Variants in GATA4 observed in about 807,000 individuals in gnomAD.
GATA4 encodes the protein GATA binding protein 4.
In GATA4, 7 loss-of-function variants were observed where a neutral mutation model predicts 37.9. The observed-to-expected ratio is 0.18, with a 90% CI of 0.11 to 0.35. The LOEUF (loss-of-function observed/expected upper bound fraction) is 0.35. Among genes scored for constraint, GATA4 ranks in the 10% least tolerant of loss-of-function variants. GATA4 has a pLI of 1.00. For missense variants in GATA4, 647 were observed against 653.0 expected (o/e 0.99, Z 0.10); for synonymous variants, 372 against 292.6 (o/e 1.27, Z -2.77).
intron 2 of GATA4, among the ~76,000 whole-genome samples, chr8:11,712,914 G>C (rs926029993): frequency 1.3e-5 from 2 of 152,094 alleles, no homozygotes; most frequent in African/African-American, 4.8e-5. Flanking sequence ...AATATGTTGT[G>C]TAGTACCATG....
At chr8:11,677,869 G>T (rs887344323) in intron 1 of GATA4, among the ~76,000 whole-genome samples, 5 of 152,072 alleles carry the variant, frequency 3.3e-5, no homozygotes, top group African/African-American at 1.2e-4. Context: ...GGCCCACTGC[G>T]TGCGTTGCAG....
chr8:11,758,966 C>G lies in GATA4; in HGVS notation c.*491C>G, dbSNP rs1396857515. On this transcript the variant is annotated 3_prime_UTR_variant, in exon 7 of 7. Transcript: ENST00000532059. The stretch of plus-strand genomic sequence containing the variant: ...CTTGAGGCATGGCACCGCCCTGCAT[C>G]CCTAATACCAAATCTGACTCCAAAA... 8.6e-6 allele frequency: 2 copies of G among 231,496 alleles called. No individual in the cohort carries two copies. Among genetic ancestry groups the G allele is most frequent in the African/African-American group, 4.5e-5 (2 of 44,394 alleles). The allele number at this position is 231,496 out of a possible 1,614,324, so 14.3% of individuals were successfully genotyped here. A position where few individuals can be genotyped will look rare whatever the true frequency, so the allele number is the denominator to read the frequency against.
In GATA4 at chr8:11,711,014, G is replaced by A. The variant is rs560034318; in HGVS notation, c.616+2086G>A. Among the ~76,000 whole-genome samples the A allele has an allele frequency of 2.6e-5, 4 of 152,332 alleles. No individual in the cohort carries two copies. The South Asian group carries it at 8.3e-4, about 32-fold the overall frequency. ...TAGTCCCAGTTACTTGGGAGGCTGA[G>A]GCAGGAGAATCGGTTGAACCCGGGA... On this transcript the variant is annotated intron_variant, in intron 2 of 6. Transcript: ENST00000532059.
At chr8:11,752,712 C>G (rs577060482) in intron 4 of GATA4, among the ~76,000 whole-genome samples, 12 of 152,268 alleles carry the variant, frequency 7.9e-5, no homozygotes, top group African/African-American at 2.9e-4. Flanking sequence ...ATTTGCCTCA[C>G]TGGGATAGGA....
At chr8:11,704,402 T>G (rs549060155) in intron 1 of GATA4, 98 bp downstream of exon 1, 5 of 152,272 alleles carry the variant, frequency 3.3e-5, no homozygotes, top group South Asian at 2.1e-4. Flanking sequence ...AGGTAGCTAG[T>G]GGGAGGAAAA....
chr8:11,723,302 C>T (rs1193943880), intron 2 of GATA4, among the ~76,000 whole-genome samples: 1 of 151,680 alleles, frequency 6.6e-6, no homozygotes, highest in Non-Finnish European at 1.5e-5. Flanking sequence ...GCTGCAGTGA[C>T]TCATGGTCCA....
intron 2 of GATA4, among the ~76,000 whole-genome samples, chr8:11,716,143 G>A (rs572305528): frequency 1.1e-4 from 17 of 152,190 alleles, no homozygotes; most frequent in East Asian, 1.9e-4. Flanking sequence ...TTGCTTCTCC[G>A]TCTTGGCTAC....
chr8:11,716,879 T>G (rs1328709672), intron 2 of GATA4, among the ~76,000 whole-genome samples: 1 of 152,264 alleles, frequency 6.6e-6, no homozygotes, highest in Non-Finnish European at 1.5e-5. Context: ...TGTAGCTGCT[T>G]GTGTCTGCAT....
At chr8:11,698,162 T>G (rs1289670901) in intron 1 of GATA4, among the ~76,000 whole-genome samples, 1 of 152,176 alleles carries the variant, frequency 6.6e-6, no homozygotes, top group Non-Finnish European at 1.5e-5. Flanking sequence ...TCGCCTTAAC[T>G]TCCCAGGGTC....
In GATA4 at chr8:11,758,729, T is replaced by C. The variant is rs1288508346; in HGVS notation, c.*254T>C. On this transcript the variant is annotated 3_prime_UTR_variant, in exon 7 of 7. Coordinates refer to ENST00000532059, the MANE Select transcript of GATA4 (RefSeq NM_001308093.3). ...AGCACACTGCATCTCTCCTGTGAGTTGGAGACTTCTTTCCCAAGATGTCCT... is the reference window on the plus strand; with the variant it reads ...AGCACACTGCATCTCTCCTGTGAGTCGGAGACTTCTTTCCCAAGATGTCCT... 2 of 540,398 alleles carry C rather than the reference T, an allele frequency of 3.7e-6. No homozygotes were observed. Among genetic ancestry groups the C allele is most frequent in the Admixed American group, 3.1e-5 (1 of 32,682 alleles). The allele number at this position is 540,398 out of a possible 1,614,324, so 33.5% of individuals were successfully genotyped here.
rs1172393441 is a variant in GATA4, at chr8:11,749,721, C to T, written c.787-390C>T. ...CCCAGGGCCATTCAGACTTTGATACCATTTGGACACCGTGATTCCTCACTC... is the reference window on the plus strand; with the variant it reads ...CCCAGGGCCATTCAGACTTTGATACTATTTGGACACCGTGATTCCTCACTC... On this transcript the variant is annotated intron_variant, in intron 3 of 6. Coordinates refer to ENST00000532059, the MANE Select transcript of GATA4 (RefSeq NM_001308093.3). The surrounding 1 kb of genome is among the most constrained non-coding windows in gnomAD (Gnocchi z 4.6). 6.6e-6 allele frequency among the ~76,000 whole-genome samples: 1 copy of T among 152,180 alleles called. No homozygotes were observed. Among genetic ancestry groups the T allele is most frequent in the Non-Finnish European group, 1.5e-5 (1 of 68,042 alleles).
At chr8:11,742,336 CTA>C (rs1369067274) in intron 2 of GATA4, among the ~76,000 whole-genome samples, 5 of 151,370 alleles carry the variant, frequency 3.3e-5, no homozygotes, top group African/African-American at 1.2e-4. Flanking sequence ...TCTTCCTCCT[CTA>C]TCTCTCTACG....
intron 2 of GATA4, among the ~76,000 whole-genome samples, chr8:11,710,710 A>T (rs936766406): frequency 1.3e-5 from 2 of 150,968 alleles, no homozygotes; most frequent in African/African-American, 4.9e-5. Flanking sequence ...AAAAAAAAAA[A>T]AAAAGGACTG....
At chr8:11,691,231 C>A (rs1585560858), upstream of GATA4, among the ~76,000 whole-genome samples, 1 of 152,172 alleles carries the variant, frequency 6.6e-6, no homozygotes, top group South Asian at 2.1e-4. Context: ...TTCAGATGGG[C>A]CTCCCATTTT....
chr8:11,682,895 C>T (rs563308995), intron 1 of GATA4, among the ~76,000 whole-genome samples: 265 of 152,330 alleles, frequency 1.7e-3, no homozygotes, highest in Middle Eastern at 3.4e-3. Flanking sequence ...CTTAGAACTA[C>T]TCCGGAGAAT....
intron 2 of GATA4, among the ~76,000 whole-genome samples, chr8:11,723,729 T>A (rs75719372): frequency 6.6e-6 from 1 of 152,220 alleles, no homozygotes; most frequent in East Asian, 1.9e-4. Flanking sequence ...ATACAGCATG[T>A]CTTCATACTG....
intron 1 of GATA4, among the ~76,000 whole-genome samples, chr8:11,679,732 C>A (rs1256926849): frequency 6.6e-6 from 1 of 152,146 alleles, no homozygotes; most frequent in African/African-American, 2.4e-5. Flanking sequence ...GTTGGAAAAG[C>A]GAACGGAAAG....
At chr8:11,718,472 T>C (rs1316302965) in intron 2 of GATA4, among the ~76,000 whole-genome samples, 1 of 152,246 alleles carries the variant, frequency 6.6e-6, no homozygotes, top group African/African-American at 2.4e-5. Context: ...GAAAAGCCTC[T>C]GCAAGTAAAA....
upstream of GATA4, chr8:11,691,910 G>C (rs1279373400): frequency 3.8e-6 from 2 of 530,032 alleles, no homozygotes; most frequent in African/African-American, 2.1e-5. Context: ...AACTCAAAGA[G>C]GGAAGAAAAA....
Sources: gnomAD v4.1 joint callset for allele counts (sites outside exome capture counted in the v4.1 genomes callset) on GRCh38, gnomAD v4.1.1 for gene constraint, Gnocchi (gnomAD v3.1) non-coding constraint, MANE v1.5 for transcripts, NCBI Gene and HGNC (gene_info 2026-07-23, HGNC 2026-07-21) for gene names.